The following GFRA1 variants were observed in gnomAD, a reference collection of about 807,000 sequenced individuals.
GFRA1 encodes GDNF family receptor alpha 1.
GFRA1 carries 16 observed loss-of-function variants against 51.6 expected under a neutral mutation model. The ratio of observed to expected loss-of-function variants is 0.31; its 90% confidence interval spans 0.21 to 0.47. The LOEUF (loss-of-function observed/expected upper bound fraction) is 0.47. Among genes scored for constraint, GFRA1 ranks in the 20% least tolerant of loss-of-function variants. The pLI is 1.00. For missense variants in GFRA1, 530 were observed against 594.3 expected (o/e 0.89, Z 1.13); for synonymous variants, 270 against 241.3 (o/e 1.12, Z -1.10).
chr10:116,197,201 G>A (rs1963952532), intron 5 of GFRA1, among the ~76,000 whole-genome samples: 1 of 152,074 alleles, frequency 6.6e-6, no homozygotes, highest in South Asian at 2.1e-4. Flanking sequence ...TTTGGGAGGT[G>A]ATTAATTCAT....
chr10:116,269,720 T>A, intron 3 of GFRA1, 134 bp from the exon 4 acceptor site: 1 of 694,834 alleles, frequency 1.4e-6, no homozygotes, highest in Non-Finnish European at 2.6e-6. Context: ...AGATTTCAAA[T>A]GCATCTCTTT....
intron 5 of GFRA1, among the ~76,000 whole-genome samples, chr10:116,146,303 A>T (rs1371849001): frequency 6.6e-6 from 1 of 152,198 alleles, no homozygotes; most frequent in Admixed American, 6.5e-5. Context: ...AAAAAATATG[A>T]TGTGTTTATA....
At chr10:116,120,633 C>T (rs1957603693) in intron 6 of GFRA1, among the ~76,000 whole-genome samples, 1 of 152,172 alleles carries the variant, frequency 6.6e-6, no homozygotes, top group Admixed American at 6.5e-5. Context: ...TTCAATTCTA[C>T]CTAGTAACAT....
intron 9 of GFRA1, among the ~76,000 whole-genome samples, chr10:116,078,315 C>T (rs1478912724): frequency 6.6e-6 from 1 of 152,126 alleles, no homozygotes; most frequent in Non-Finnish European, 1.5e-5. Flanking sequence ...TTACAACAGC[C>T]TCTTTTCTCC....
chr10:116,089,442 G>A (rs755094253), intron 9 of GFRA1, among the ~76,000 whole-genome samples: 7 of 152,168 alleles, frequency 4.6e-5, no homozygotes, highest in South Asian at 2.1e-4. Flanking sequence ...ACAACCCCAC[G>A]CACAGAAAAC....
At chr10:116,190,179 A>T (rs1963123060) in intron 5 of GFRA1, among the ~76,000 whole-genome samples, 1 of 152,204 alleles carries the variant, frequency 6.6e-6, no homozygotes, top group African/African-American at 2.4e-5. Context: ...CTCTTCAATA[A>T]GCCCTGTGCC....
chr10:116,258,151 G>T (rs1969023820), intron 4 of GFRA1, among the ~76,000 whole-genome samples: 1 of 152,010 alleles, frequency 6.6e-6, no homozygotes, highest in African/African-American at 2.4e-5. Context: ...GCAAAAAAGG[G>T]AATTCTTAGA....
intron 4 of GFRA1, among the ~76,000 whole-genome samples, chr10:116,231,308 TCA>T (rs1014567446): frequency 6.6e-5 from 10 of 152,296 alleles, no homozygotes; most frequent in Middle Eastern, 3.4e-3. Context: ...TGTCATGAAT[TCA>T]GTTATATGAA....
intron 9 of GFRA1, among the ~76,000 whole-genome samples, chr10:116,068,063 G>A (rs1006729405): frequency 5.9e-5 from 9 of 152,176 alleles, no homozygotes; most frequent in East Asian, 5.8e-4. Context: ...GGACCACTCC[G>A]ATTGGCATAA....
intron 5 of GFRA1, among the ~76,000 whole-genome samples, chr10:116,166,738 C>G (rs1960455453): frequency 6.7e-6 from 1 of 149,704 alleles, no homozygotes; most frequent in Admixed American, 6.7e-5. Flanking sequence ...TGATTCCAGC[C>G]AAAACATGGA....
chr10:116,173,965 AGC>A (rs1961319052), intron 5 of GFRA1, among the ~76,000 whole-genome samples: 1 of 152,082 alleles, frequency 6.6e-6, no homozygotes, highest in Admixed American at 6.6e-5. Context: ...CTGTAATCCC[AGC>A]TACTTGGGAG....
intron 5 of GFRA1, among the ~76,000 whole-genome samples, chr10:116,174,187 C>T (rs1331996229): frequency 6.6e-6 from 1 of 151,878 alleles, no homozygotes; most frequent in African/African-American, 2.4e-5. Flanking sequence ...TGCAAGCCTA[C>T]AAAAAGTGAT....
intron 4 of GFRA1, among the ~76,000 whole-genome samples, chr10:116,220,502 T>C (rs1042261118): frequency 6.6e-6 from 1 of 152,172 alleles, no homozygotes; most frequent in African/African-American, 2.4e-5. Context: ...ATTATCAGGA[T>C]GGACAACTTC....
chr10:116,233,738 G>A (rs935037331), intron 4 of GFRA1, among the ~76,000 whole-genome samples: 1 of 152,100 alleles, frequency 6.6e-6, no homozygotes, highest in African/African-American at 2.4e-5. Flanking sequence ...TGCTCAACTG[G>A]CTTATTCTTT....
At chr10:116,264,283 G>T (rs929266118) in intron 4 of GFRA1, among the ~76,000 whole-genome samples, 1 of 152,130 alleles carries the variant, frequency 6.6e-6, no homozygotes, top group African/African-American at 2.4e-5. Flanking sequence ...CAAGCACTGT[G>T]ACTCTGTCCA....
At position 116,063,675 on chromosome 10, in the gene GFRA1, G is replaced by C. The variant is rs563562426; in HGVS notation, c.*723C>G. The C allele has an allele frequency of 8.5e-5, 13 of 152,278 alleles. No homozygotes were observed. Among genetic ancestry groups the C allele is most frequent in the Admixed American group, 8.5e-4 (13 of 15,306 alleles). The allele number at this position is 152,278 out of a possible 1,614,324, so 9.4% of individuals were successfully genotyped here. ...TAAGGCTTAGGATTAGGAGAGTGTC[G>C]TTCAGGGATTGAGGTATTGAATCGG... is the stretch of plus-strand genomic sequence containing the variant. On this transcript the variant is annotated 3_prime_UTR_variant, in exon 11 of 11. Transcript: ENST00000355422.
chr10:116,203,887 C>T (rs1406091636), intron 5 of GFRA1, among the ~76,000 whole-genome samples: 1 of 152,210 alleles, frequency 6.6e-6, no homozygotes, highest in Non-Finnish European at 1.5e-5. Context: ...GCACAAATGC[C>T]TTTGCATAGA....
chr10:116,259,778 T>A (rs1482345910), intron 4 of GFRA1, among the ~76,000 whole-genome samples: 1 of 152,152 alleles, frequency 6.6e-6, no homozygotes, highest in African/African-American at 2.4e-5. Context: ...AAGAAGTGAA[T>A]CTAAGCTCTT....
chr10:116,078,221 C>T (rs1215771103), intron 9 of GFRA1, among the ~76,000 whole-genome samples: 1 of 152,028 alleles, frequency 6.6e-6, no homozygotes, highest in Non-Finnish European at 1.5e-5. Context: ...AGGGTAATAC[C>T]CAATTTTGAG....
Sources: gnomAD v4.1 joint callset for allele counts (sites outside exome capture counted in the v4.1 genomes callset) on GRCh38, gnomAD v4.1.1 for gene constraint, MANE v1.5 for transcripts, NCBI Gene and HGNC (gene_info 2026-07-23, HGNC 2026-07-21) for gene names.